Variants in SPICE1 observed in about 807,000 individuals in gnomAD.
SPICE1 encodes the protein spindle and centriole associated protein 1.
Under a neutral mutation model 102.7 loss-of-function variants are expected in SPICE1, and 75 were observed. That is an observed-to-expected ratio of 0.73 (90% confidence interval 0.61 to 0.88). The LOEUF is 0.88. Among genes scored for constraint, SPICE1 ranks in the 40% least tolerant of loss-of-function variants. The pLI, the probability that SPICE1 is intolerant of heterozygous loss-of-function variation, is 0.00. For missense variants in SPICE1, 979 were observed against 1,020.1 expected (o/e 0.96, Z 0.55); for synonymous variants, 308 against 350.3 (o/e 0.88, Z 1.35).
chr3:113,478,732 TAATC>T (rs1326467221), intron 7 of SPICE1, among the ~76,000 whole-genome samples: 4 of 152,170 alleles, frequency 2.6e-5, no homozygotes, highest in Non-Finnish European at 4.4e-5. Flanking sequence ...TTCAACAATA[TAATC>T]AGTGAGGTAG....
intron 7 of SPICE1, among the ~76,000 whole-genome samples, chr3:113,469,948 G>C (rs2107465841): frequency 6.6e-6 from 1 of 152,272 alleles, no homozygotes; most frequent in Non-Finnish European, 1.5e-5. Context: ...GAAGTAAATT[G>C]ACCACAGCAT....
intron 4 of SPICE1, among the ~76,000 whole-genome samples, chr3:113,497,227 G>A (rs1274202948): frequency 6.6e-6 from 1 of 152,186 alleles, no homozygotes; most frequent in Admixed American, 6.5e-5. Context: ...TGTATTCAGA[G>A]ACAGAAGCTG....
chr3:113,456,120 C>G (rs1346564741), intron 13 of SPICE1, among the ~76,000 whole-genome samples: 2 of 152,192 alleles, frequency 1.3e-5, no homozygotes, highest in Non-Finnish European at 1.5e-5. Context: ...CCATACTGAT[C>G]TGACAAATGC....
chr3:113,480,882 A>G (rs1257936892), intron 7 of SPICE1, among the ~76,000 whole-genome samples: 2 of 138,654 alleles, frequency 1.4e-5, no homozygotes, highest in African/African-American at 5.3e-5. Flanking sequence ...GTCTCAAAAA[A>G]GACTAAAAAT....
At chr3:113,469,950 C>A (rs1162964576) in intron 7 of SPICE1, among the ~76,000 whole-genome samples, 3 of 152,146 alleles carry the variant, frequency 2.0e-5, no homozygotes, top group African/African-American at 7.2e-5. Context: ...AGTAAATTGA[C>A]CACAGCATAC....
At chr3:113,504,401 T>C (rs1470316298) in intron 2 of SPICE1, among the ~76,000 whole-genome samples, 1 of 152,086 alleles carries the variant, frequency 6.6e-6, no homozygotes. Flanking sequence ...CTTTTCTGTA[T>C]GAAAACTGTT....
At position 113,453,451 on chromosome 3, in the gene SPICE1, T is replaced by A. The variant is rs1935703596; in HGVS notation, c.2142+15A>T. Reference sequence around the variant, plus strand: ...ATTCCTATATGTCCCTAATCAATCCTTAAATGGTACTCACAGAAGTCATGT... The same window carrying A: ...ATTCCTATATGTCCCTAATCAATCCATAAATGGTACTCACAGAAGTCATGT... On this transcript the variant is annotated intron_variant, in intron 14 of 17. Coordinates refer to ENST00000295872, the MANE Select transcript of SPICE1 (RefSeq NM_144718.4). The A allele has an allele frequency of 3.2e-6, 5 of 1,583,528 alleles. No individual in the cohort carries two copies. In the South Asian group the frequency reaches 5.8e-5, roughly 18 times the overall value.
At chr3:113,497,879 CTT>C (rs554657969) in intron 4 of SPICE1, among the ~76,000 whole-genome samples, 39 of 131,534 alleles carry the variant, frequency 3.0e-4, no homozygotes, top group Non-Finnish European at 3.2e-4. Context: ...ATCTTTAGGG[CTT>C]TTTTTTTTTT....
At chr3:113,450,607 C>T (rs1289566633) in intron 14 of SPICE1, 91 bp from the exon 15 acceptor site, 3 of 1,304,042 alleles carry the variant, frequency 2.3e-6, no homozygotes, top group Non-Finnish European at 3.1e-6. Context: ...GGCAGAGTCT[C>T]ACTCTGTTGC....
chr3:113,488,254 T>C (rs755463304), intron 7 of SPICE1, among the ~76,000 whole-genome samples: 2 of 152,182 alleles, frequency 1.3e-5, no homozygotes, highest in African/African-American at 2.4e-5. Flanking sequence ...CACTGAATTA[T>C]TTAGGGATAA....
rs1285199320 is a variant in SPICE1, at chr3:113,460,635, T to C, written c.1417A>G (p.Arg473Gly). The C allele has an allele frequency of 4.3e-6, 7 of 1,612,914 alleles. No homozygotes were observed. The highest frequency in any genetic ancestry group is 5.1e-6 in the Non-Finnish European group (6 of 1,179,342). The change falls in exon 12 of 18, where the codon AGA becomes GGA. Residue 473 changes from arginine to glycine, a missense_variant. Physicochemically the swap from Arg to Gly is moderately radical, Grantham distance 125. Transcript: ENST00000295872. ...QASESGATGR[R>G]VMDSPERPVV... ...CACTCACCTGGACTGTCCATAACTC[T>C]TCTACCTGTGGCTCCGCTTTCTGAT...
At chr3:113,475,604 T>A (rs1168080150) in intron 7 of SPICE1, among the ~76,000 whole-genome samples, 1 of 152,108 alleles carries the variant, frequency 6.6e-6, no homozygotes, top group East Asian at 1.9e-4. Context: ...GTGGGCTTCA[T>A]CCCTGGGATG....
At chr3:113,450,546 T>C (rs1935625381) in intron 14 of SPICE1, 30 bp from the exon 15 acceptor site, 3 of 1,550,472 alleles carry the variant, frequency 1.9e-6, no homozygotes, top group Non-Finnish European at 2.6e-6. Context: ...AAAGTACAAA[T>C]TGAATACTGA....
chr3:113,512,405 CTTTTTTT>C (rs34015506), intron 1 of SPICE1, among the ~76,000 whole-genome samples: 6 of 104,410 alleles, frequency 5.7e-5, no homozygotes, highest in Non-Finnish European at 1.1e-4. Flanking sequence ...GAAAAGCTTT[CTTTTTTT>C]TTTTTTTTTT....
At chr3:113,490,988 T>C (rs1936751741) in intron 6 of SPICE1, among the ~76,000 whole-genome samples, 1 of 152,158 alleles carries the variant, frequency 6.6e-6, no homozygotes, top group Non-Finnish European at 1.5e-5. Flanking sequence ...TCTCCAGTCT[T>C]GTCCCTCCCC....
chr3:113,503,266 AGTTTTCT>A, intron 2 of SPICE1, 39 bp from the exon 3 acceptor site: 2 of 1,461,522 alleles, frequency 1.4e-6, no homozygotes, highest in Non-Finnish European at 1.8e-6. Context: ...AAAAAAAAAA[AGTTTTCT>A]TATAAAATAT....
intron 4 of SPICE1, 73 bp downstream of exon 4, chr3:113,499,366 C>G: frequency 6.7e-7 from 1 of 1,489,336 alleles, no homozygotes; most frequent in Non-Finnish European, 9.0e-7. Context: ...CAACGTGAAT[C>G]AAATTGAAGA....
At chr3:113,488,833 T>G (rs907307327) in intron 7 of SPICE1, 112 bp downstream of exon 7, 3 of 659,222 alleles carry the variant, frequency 4.6e-6, no homozygotes, top group African/African-American at 1.8e-5. Context: ...AATAAACAAA[T>G]TTTTAAATAA....
chr3:113,478,260 A>G (rs1936408881), intron 7 of SPICE1, among the ~76,000 whole-genome samples: 1 of 152,184 alleles, frequency 6.6e-6, no homozygotes, highest in Non-Finnish European at 1.5e-5. Flanking sequence ...GAATATTTCC[A>G]AATTGTCTAA....
Sources: allele counts gnomAD v4.1 joint callset (sites outside exome capture counted in the v4.1 genomes callset), GRCh38; gene constraint gnomAD v4.1.1; transcripts MANE v1.5; gene names NCBI Gene and HGNC (gene_info 2026-07-23, HGNC 2026-07-21).